The following IPMK variants were observed in gnomAD, a reference collection of about 807,000 sequenced individuals.
IPMK encodes the protein inositol 1,3,4,6-tetrakisphosphate 5-kinase.
A neutral mutation model predicts 45.8 loss-of-function variants in IPMK; 17 were observed. The observed-to-expected ratio is 0.37, with a 90% CI of 0.25 to 0.56. IPMK has a LOEUF of 0.56. Ranked by LOEUF, IPMK falls within the 20% of genes least tolerant of loss-of-function variation. The pLI, the probability that IPMK is intolerant of heterozygous loss-of-function variation, is 0.79. For missense variants in IPMK, 399 were observed against 498.0 expected (o/e 0.80, Z 1.89); for synonymous variants, 180 against 184.3 (o/e 0.98, Z 0.19).
At chr10:58,203,050 T>A (rs1327641919) in intron 4 of IPMK, among the ~76,000 whole-genome samples, 1 of 152,170 alleles carries the variant, frequency 6.6e-6, no homozygotes, top group Non-Finnish European at 1.5e-5. Context: ...TTGGAAAGAA[T>A]TCACCATTCT....
At chr10:58,230,348 C>G (rs1160310855) in intron 2 of IPMK, among the ~76,000 whole-genome samples, 1 of 152,302 alleles carries the variant, frequency 6.6e-6, no homozygotes, top group East Asian at 1.9e-4. Flanking sequence ...AGACTGCCCC[C>G]TCAAGTGGGT....
At chr10:58,199,148 A>G (rs1837959996) in intron 5 of IPMK, 92 bp downstream of exon 5, 4 of 711,874 alleles carry the variant, frequency 5.6e-6, no homozygotes, top group Non-Finnish European at 9.2e-6. Flanking sequence ...ATTATGAATC[A>G]AATCACTTTT....
At chr10:58,204,274 G>A (rs1245825641) in intron 4 of IPMK, among the ~76,000 whole-genome samples, 1 of 151,990 alleles carries the variant, frequency 6.6e-6, no homozygotes, top group Non-Finnish European at 1.5e-5. Flanking sequence ...CTAAAAACAC[G>A]TAAATACGTA....
At position 58,196,318 on chromosome 10, in the gene IPMK, C is replaced by G; in HGVS notation, c.1009G>C (p.Val337Leu). Residue 337 changes from valine to leucine, a missense_variant, in exon 6 of 6, where the codon GTT becomes CTT. Val to Leu is a conservative substitution (Grantham distance 32). This residue lies in a region of IPMK where 288 missense variants were observed against 398.0 expected (regional missense o/e 0.72). Transcript: ENST00000373935. The stretch of plus-strand genomic sequence containing the variant: ...CCATTGTCTTGCTCCAGATTTTCAA[C>G]TTTCAATGAAGTCTGACTGTGATGC... ...KKHHSQTSLK[V>L]ENLEQDNGWK... 3 of 1,614,180 alleles carry G rather than the reference C, an allele frequency of 1.9e-6. No individual in the cohort carries two copies. Among genetic ancestry groups the G allele is most frequent in the Non-Finnish European group, 2.5e-6 (3 of 1,180,020 alleles).
At chr10:58,252,136 G>A (rs1250506059) in intron 1 of IPMK, among the ~76,000 whole-genome samples, 7 of 151,982 alleles carry the variant, frequency 4.6e-5, no homozygotes, top group Non-Finnish European at 7.4e-5. Flanking sequence ...TATTTTTAGT[G>A]TCTCTCTTAC....
intron 3 of IPMK, among the ~76,000 whole-genome samples, chr10:58,221,726 T>C (rs1838339646): frequency 6.6e-6 from 1 of 151,880 alleles, no homozygotes; most frequent in African/African-American, 2.4e-5. Context: ...ACCCAGCTAA[T>C]TTTTATTTTT....
chr10:58,199,373 G>T, intron 4 of IPMK, 52 bp from the exon 5 acceptor site: 1 of 1,217,390 alleles, frequency 8.2e-7, no homozygotes, highest in South Asian at 1.5e-5. Flanking sequence ...TGACCATGTG[G>T]GGTTATCCCA....
At chr10:58,215,268 C>A (rs1162164241) in intron 4 of IPMK, among the ~76,000 whole-genome samples, 1 of 152,098 alleles carries the variant, frequency 6.6e-6, no homozygotes, top group African/African-American at 2.4e-5. Context: ...GCAGAAGGAA[C>A]CCTAAATAAG....
intron 3 of IPMK, among the ~76,000 whole-genome samples, chr10:58,218,705 TCTAC>T (rs1838285448): frequency 6.6e-6 from 1 of 152,174 alleles, no homozygotes; most frequent in Non-Finnish European, 1.5e-5. Flanking sequence ...GTTAGTGTCT[TCTAC>T]CTGTCAACCT....
chr10:58,256,691 G>A (rs1013124909), intron 1 of IPMK, among the ~76,000 whole-genome samples: 4 of 152,066 alleles, frequency 2.6e-5, no homozygotes, highest in African/African-American at 7.2e-5. Flanking sequence ...AGAACCTGCC[G>A]ACATGTGATG....
chr10:58,245,175 T>TGAGGTCATGCCACTGC (rs1838778323), intron 1 of IPMK, among the ~76,000 whole-genome samples: 2 of 151,974 alleles, frequency 1.3e-5, no homozygotes, highest in African/African-American at 2.4e-5. Context: ...TAAGCCAGTG[T>TGAGGTCATGCCACTGC]AACAAAAAGA....
In IPMK at chr10:58,194,165, T is replaced by C. The variant is rs1253837925; in HGVS notation, c.*1911A>G. The C allele has an allele frequency of 1.3e-5, 2 of 151,850 alleles. No individual in the cohort carries two copies. The highest frequency in any genetic ancestry group is 4.8e-5 in the African/African-American group (2 of 41,430). The allele number at this position is 151,850 out of a possible 1,614,324, so 9.4% of individuals were successfully genotyped here. On this transcript the variant is annotated 3_prime_UTR_variant, in exon 6 of 6. Coordinates refer to ENST00000373935, the MANE Select transcript of IPMK (RefSeq NM_152230.5). ...CAATACTTAAGTTTATTAAATTCAT[T>C]GTACATAGGTTGATATCATCCCATA...
rs546991008 is a variant in IPMK, at chr10:58,193,095, T to A, written c.*2981A>T. On this transcript the variant is annotated 3_prime_UTR_variant, in exon 6 of 6. Transcript: ENST00000373935. ...GTTTTCTTTCATCCTACATCTTCTA[T>A]AATATTCCAACCCCTAGAAACAAAT... The A allele has an allele frequency of 6.6e-6, 1 of 152,108 alleles. No homozygotes were observed. Among genetic ancestry groups the A allele is most frequent in the Middle Eastern group, 3.4e-3 (1 of 294 alleles). The allele number at this position is 152,108 out of a possible 1,614,324, so 9.4% of individuals were successfully genotyped here. A position where few individuals can be genotyped will look rare whatever the true frequency, so the allele number is the denominator to read the frequency against.
chr10:58,201,820 G>C (rs538993243), intron 4 of IPMK, among the ~76,000 whole-genome samples: 1 of 152,274 alleles, frequency 6.6e-6, no homozygotes, highest in African/African-American at 2.4e-5. Flanking sequence ...GAAATTCAGA[G>C]TGCTAACTAC....
chr10:58,217,860 A>G (rs879902001), intron 3 of IPMK, among the ~76,000 whole-genome samples: 1 of 152,076 alleles, frequency 6.6e-6, no homozygotes, highest in African/African-American at 2.4e-5. Context: ...GAATTAAATA[A>G]AAGAGTACCG....
rs951139170 is a variant in IPMK, at chr10:58,245,356, A to G, written c.191-7542T>C. ...GGCTAGAAAATAATGGCTCATGCCTATAATCCCAGTACTCTGGGAGGCCAA... is the reference window on the plus strand; with the variant it reads ...GGCTAGAAAATAATGGCTCATGCCTGTAATCCCAGTACTCTGGGAGGCCAA... On this transcript the variant is annotated intron_variant, in intron 1 of 5. Coordinates refer to ENST00000373935, the MANE Select transcript of IPMK (RefSeq NM_152230.5). 7.2e-5 allele frequency among the ~76,000 whole-genome samples: 11 copies of G among 151,978 alleles called. 1 individual carries two copies. The highest frequency in any genetic ancestry group is 2.4e-4 in the African/African-American group (10 of 41,292).
chr10:58,220,439 A>ACC (rs1288425549), intron 3 of IPMK, among the ~76,000 whole-genome samples: 1 of 152,212 alleles, frequency 6.6e-6, no homozygotes, highest in Middle Eastern at 3.2e-3. Flanking sequence ...CTGAGATGAT[A>ACC]AAGTTTAAAG....
At chr10:58,239,173 A>C (rs1338769661) in intron 1 of IPMK, among the ~76,000 whole-genome samples, 1 of 152,198 alleles carries the variant, frequency 6.6e-6, no homozygotes, top group East Asian at 1.9e-4. Flanking sequence ...CAAAATTTTA[A>C]AAAGGCCTAG....
intron 4 of IPMK, among the ~76,000 whole-genome samples, chr10:58,204,451 A>G (rs1336692563): frequency 2.6e-5 from 4 of 152,142 alleles, no homozygotes. Flanking sequence ...CCTAAAATTC[A>G]TGTGGAAACT....
Sources: allele counts gnomAD v4.1 joint callset (sites outside exome capture counted in the v4.1 genomes callset), GRCh38; gene constraint gnomAD v4.1.1; regional missense constraint gnomAD v4.1.1; transcripts MANE v1.5; gene names NCBI Gene and HGNC (gene_info 2026-07-23, HGNC 2026-07-21).